Variants in AHDC1 observed in about 807,000 individuals in gnomAD.
The protein encoded by AHDC1 is transcription factor Gibbin.
In AHDC1, 7 loss-of-function variants were observed where a neutral mutation model predicts 87.9. That is an observed-to-expected ratio of 0.08 (90% confidence interval 0.05 to 0.15). AHDC1 has a LOEUF of 0.15. Among genes scored for constraint, AHDC1 ranks in the 10% least tolerant of loss-of-function variants. The pLI, the probability that AHDC1 is intolerant of heterozygous loss-of-function variation, is 1.00. For missense variants in AHDC1, 1,841 were observed against 2,253.2 expected, an observed-to-expected ratio of 0.82 and a Z score of 3.70; for synonymous variants, 1,051 against 1,006.8, an observed-to-expected ratio of 1.04 and a Z score of -0.83.
intron 3 of AHDC1, 138 bp from the exon 4 acceptor site, chr1:27,559,021 C>T: frequency 2.5e-6 from 1 of 397,126 alleles, no homozygotes; most frequent in Admixed American, 4.4e-5. Context: ...ATCGCATTAT[C>T]CCACCTGGGA....
chr1:27,599,792 G>A (rs1252564075), intron 3 of AHDC1, among the ~76,000 whole-genome samples: 3 of 152,100 alleles, frequency 2.0e-5, no homozygotes, highest in Non-Finnish European at 4.4e-5. Flanking sequence ...CTCTGTTCCA[G>A]GCATTTGGGG....
intron 5 of AHDC1, among the ~76,000 whole-genome samples, chr1:27,557,451 C>T (rs946294260): frequency 1.3e-5 from 2 of 151,892 alleles, no homozygotes; most frequent in African/African-American, 2.4e-5. Context: ...TGAAGAACTC[C>T]TCCTCCTGGA....
Position 27,551,355 on chromosome 1 carries a change from G to C in AHDC1, c.761C>G (p.Pro254Arg), listed in dbSNP as rs1221080168. 6.2e-7 allele frequency: 1 copy of C among 1,613,626 alleles called. No individual in the cohort carries two copies. Among genetic ancestry groups the C allele is most frequent in the East Asian group, 2.2e-5 (1 of 44,878 alleles). ...ILSELASLTC[P>R]EAQLLEAQAL... ...CTGGGCCTCTAGCAGCTGGGCCTCT[G>C]GGCAAGTGAGGGAGGCCAGCTCACT... Residue 254 changes from proline (P) to arginine (R), a missense_variant, in exon 8 of 9, where the codon CCA (proline) becomes CGA (arginine). Transcript: ENST00000673934.
intron 5 of AHDC1, among the ~76,000 whole-genome samples, chr1:27,554,558 C>T (rs1410968235): frequency 6.6e-6 from 1 of 152,194 alleles, no homozygotes; most frequent in African/African-American, 2.4e-5. Context: ...ATGTCTGACT[C>T]CCAAAGAAGC....
In AHDC1 at chr1:27,553,702, G is replaced by A. The variant is rs182708606; in HGVS notation, c.-224-517C>T. ...AAACACCATAAAAGCAAGGATATCT[G>A]TCCTATTCACCACTATATGTATTTC... On this transcript the variant is annotated intron_variant, in intron 5 of 8. Coordinates refer to ENST00000673934, the MANE Select transcript of AHDC1 (RefSeq NM_001371928.1). Among the ~76,000 whole-genome samples, 398 of 152,270 alleles carry A rather than the reference G, an allele frequency of 2.6e-3. 1 individual carries two copies. Among genetic ancestry groups the A allele is most frequent in the African/African-American group, 9.2e-3 (384 of 41,538 alleles).
chr1:27,541,299 A>T (rs1409091841), intron 8 of AHDC1, among the ~76,000 whole-genome samples: 89 of 152,230 alleles, frequency 5.8e-4, no homozygotes, highest in Non-Finnish European at 1.9e-4. Context: ...AGTGATGCTC[A>T]TGTGGAGGAT....
At position 27,565,421 on chromosome 1, in the gene AHDC1, T is replaced by C. The variant is rs1264033430; in HGVS notation, c.-628-6538A>G. Among the ~76,000 whole-genome samples, 1 of 152,126 alleles carries C rather than the reference T, an allele frequency of 6.6e-6. No homozygotes were observed. The highest frequency in any genetic ancestry group is 2.4e-5 in the African/African-American group (1 of 41,426). On this transcript the variant is annotated intron_variant, in intron 3 of 8. Transcript: ENST00000673934. The surrounding 1 kb of genome is among the most constrained non-coding windows in gnomAD (Gnocchi z 4.6). Reference sequence around the variant, plus strand: ...GCGAGAGAGGAAGGACAGAGGCCACTGCCCAGACTGGGAGGGCGGGCCAGA... The same window carrying C: ...GCGAGAGAGGAAGGACAGAGGCCACCGCCCAGACTGGGAGGGCGGGCCAGA...
Position 27,560,333 on chromosome 1 carries a change from C to G in AHDC1, c.-628-1450G>C, listed in dbSNP as rs757602681. On this transcript the variant is annotated intron_variant, in intron 3 of 8. Coordinates refer to ENST00000673934, the MANE Select transcript of AHDC1 (RefSeq NM_001371928.1). The surrounding 1 kb of genome is among the most constrained non-coding windows in gnomAD (Gnocchi z 4.1). Reference sequence around the variant, plus strand: ...GTGTGAGCATGCCTGGGTGTGCACACGCTTTGCCTGGCTCTCTGCATCTCG... The same window carrying G: ...GTGTGAGCATGCCTGGGTGTGCACAGGCTTTGCCTGGCTCTCTGCATCTCG... 6.6e-6 allele frequency among the ~76,000 whole-genome samples: 1 copy of G among 152,024 alleles called. No individual in the cohort carries two copies. Among genetic ancestry groups the G allele is most frequent in the African/African-American group, 2.4e-5 (1 of 41,352 alleles).
intron 3 of AHDC1, among the ~76,000 whole-genome samples, chr1:27,574,338 C>A (rs2088636987): frequency 6.6e-6 from 1 of 152,192 alleles, no homozygotes; most frequent in South Asian, 2.1e-4. Flanking sequence ...TACCTCTATT[C>A]CTCAGGATGG....
intron 3 of AHDC1, among the ~76,000 whole-genome samples, chr1:27,587,729 T>C (rs530553017): frequency 6.6e-6 from 1 of 152,186 alleles, no homozygotes; most frequent in African/African-American, 2.4e-5. Context: ...TGTCCCCCCA[T>C]GTCCAAGTGA....
intron 3 of AHDC1, among the ~76,000 whole-genome samples, chr1:27,577,411 C>T (rs1342832553): frequency 6.6e-6 from 1 of 152,166 alleles, no homozygotes; most frequent in East Asian, 1.9e-4. Flanking sequence ...GTCCTAAGGA[C>T]CACTCTCTGC....
chr1:27,552,323 A>G (rs1329417294), intron 7 of AHDC1, 134 bp from the exon 8 acceptor site: 3 of 821,082 alleles, frequency 3.7e-6, no homozygotes, highest in Non-Finnish European at 5.0e-6. Flanking sequence ...CCCCACCCCA[A>G]GCCCCATCCC....
At chr1:27,574,484 G>A (rs1300725750) in intron 3 of AHDC1, among the ~76,000 whole-genome samples, 1 of 152,170 alleles carries the variant, frequency 6.6e-6, no homozygotes, top group African/African-American at 2.4e-5. Context: ...AGTTTTTCAC[G>A]TGAGGAAAGG....
At chr1:27,597,945 C>T (rs2089421641) in intron 3 of AHDC1, among the ~76,000 whole-genome samples, 3 of 152,118 alleles carry the variant, frequency 2.0e-5, no homozygotes, top group Admixed American at 6.5e-5. Flanking sequence ...TCTGTCTGTC[C>T]GTCTCTCCCT....
intron 3 of AHDC1, among the ~76,000 whole-genome samples, chr1:27,581,225 G>T (rs949775954): frequency 6.6e-6 from 1 of 151,864 alleles, no homozygotes; most frequent in African/African-American, 2.4e-5. Context: ...AACCTCCTGG[G>T]CCCAAGCAAT....
Position 27,548,109 on chromosome 1 carries a change from C to T in AHDC1, c.4007G>A (p.Gly1336Glu). 6.2e-7 allele frequency: 1 copy of T among 1,613,918 alleles called. No individual in the cohort carries two copies. The highest frequency in any genetic ancestry group is 2.2e-5 in the East Asian group (1 of 44,884). Residue 1336 changes from glycine (G) to glutamate (E), a missense_variant, in exon 8 of 9, where the codon GGA (glycine) becomes GAA (glutamate). Physicochemically the swap from Gly to Glu is moderately conservative, Grantham distance 98 (BLOSUM62 -2). Around this residue, in one of 13 missense-constraint regions of AHDC1, gnomAD observed 505 missense variants for 626.2 expected, o/e 0.81. Transcript: ENST00000673934. Reference sequence around the variant, plus strand: ...TATGAAGTCACAGGGGTCTCGCTCTCCCACGCCGAAGGCCCTCGACTGTGA... The same window carrying T: ...TATGAAGTCACAGGGGTCTCGCTCTTCCACGCCGAAGGCCCTCGACTGTGA... ...LPSQSRAFGV[G>E]ERDPCDFIGP...
chr1:27,597,678 T>G (rs1044017697), intron 3 of AHDC1, among the ~76,000 whole-genome samples: 1 of 151,996 alleles, frequency 6.6e-6, no homozygotes, highest in African/African-American at 2.4e-5. Context: ...TTGGCTGGCC[T>G]GGGGGTTTGG....
In AHDC1 at chr1:27,561,048, C is replaced by A. The variant is rs1350320611; in HGVS notation, c.-628-2165G>T. ...ATCCACAGGCAGAGAAGGAGAATTC[C>A]AACCTGCCAGAGCCTCCCTCCTCTG... is the stretch of plus-strand genomic sequence containing the variant. On this transcript the variant is annotated intron_variant, in intron 3 of 8. Coordinates refer to ENST00000673934, the MANE Select transcript of AHDC1 (RefSeq NM_001371928.1). The surrounding 1 kb of genome is among the most constrained non-coding windows in gnomAD (Gnocchi z 4.2). Among the ~76,000 whole-genome samples, 1 of 152,146 alleles carries A rather than the reference C, an allele frequency of 6.6e-6. No homozygotes were observed. Among genetic ancestry groups the A allele is most frequent in the African/African-American group, 2.4e-5 (1 of 41,412 alleles).
At chr1:27,539,404 T>G (rs2018804067) in intron 8 of AHDC1, among the ~76,000 whole-genome samples, 2 of 151,940 alleles carry the variant, frequency 1.3e-5, no homozygotes, top group Admixed American at 1.3e-4. Context: ...CCCAAAGTGC[T>G]GGATTGCAGG....
Sources: allele counts gnomAD v4.1 joint callset (sites outside exome capture counted in the v4.1 genomes callset), GRCh38; gene constraint gnomAD v4.1.1; regional missense constraint gnomAD v4.1.1; non-coding constraint Gnocchi (gnomAD v3.1); transcripts MANE v1.5; gene names NCBI Gene and HGNC (gene_info 2026-07-23, HGNC 2026-07-21).